Variants in CFAP46 observed in about 807,000 individuals in gnomAD.
CFAP46 encodes the protein cilia and flagella associated protein 46.
A neutral mutation model predicts 325.7 loss-of-function variants in CFAP46; 245 were observed. That is an observed-to-expected ratio of 0.75 (90% CI 0.68 to 0.84). The LOEUF (loss-of-function observed/expected upper bound fraction) is 0.84. Among genes scored for constraint, CFAP46 ranks in the 40% least tolerant of loss-of-function variants. The pLI is 0.00. For synonymous variants in CFAP46, 1,523 were observed against 1,495.9 expected (o/e 1.02, Z -0.42); for missense variants, 3,346 against 3,543.0 (o/e 0.94, Z 1.41).
chr10:132,924,893 A>T lies in CFAP46; in HGVS notation c.1066-7T>A. The T allele has an allele frequency of 7.3e-7, 1 of 1,374,806 alleles. No homozygotes were observed. The highest frequency in any genetic ancestry group is 9.5e-7 in the Non-Finnish European group (1 of 1,057,096). 85.2% of individuals were successfully genotyped at this position (1,374,806 alleles called of 1,614,324 possible). A position where few individuals can be genotyped will look rare whatever the true frequency, so the allele number is the denominator to read the frequency against. On this transcript the variant is annotated splice_polypyrimidine_tract_variant and splice_region_variant and intron_variant, in intron 10 of 57. Transcript: ENST00000368586. ...GTATGATATCCAGCTGGGCCTGCGGAGAAGACGTGGGGGATTCTAGGGAGG... is the reference window on the plus strand; with the variant it reads ...GTATGATATCCAGCTGGGCCTGCGGTGAAGACGTGGGGGATTCTAGGGAGG...
At chr10:132,928,840 G>A (rs577483666) in intron 9 of CFAP46, among the ~76,000 whole-genome samples, 1 of 152,334 alleles carries the variant, frequency 6.6e-6, no homozygotes, top group African/African-American at 2.4e-5. Flanking sequence ...CAAACCTGAT[G>A]TATGCAGTCT....
intron 17 of CFAP46, 91 bp from the exon 18 acceptor site, chr10:132,913,349 GCT>G: frequency 1.3e-6 from 1 of 784,632 alleles, no homozygotes; most frequent in Non-Finnish European, 2.0e-6. Flanking sequence ...TAGGAACCAG[GCT>G]GCAGGGCAAG....
chr10:132,833,211 A>T, intron 50 of CFAP46, 147 bp downstream of exon 50: 1 of 830,152 alleles, frequency 1.2e-6, no homozygotes, highest in Non-Finnish European at 1.9e-6. Flanking sequence ...TATCCTACAA[A>T]TATCTTTGAA....
intron 8 of CFAP46, among the ~76,000 whole-genome samples, chr10:132,930,086 C>T (rs1849869935): frequency 6.6e-6 from 1 of 152,126 alleles, no homozygotes; most frequent in South Asian, 2.1e-4. Context: ...CTCCAGGCTT[C>T]AGGTCATGTG....
At chr10:132,934,690 T>C (rs1849964462) in intron 8 of CFAP46, 62 bp downstream of exon 8, 1 of 1,133,852 alleles carries the variant, frequency 8.8e-7, no homozygotes, top group Middle Eastern at 2.2e-4. Flanking sequence ...CATTTTTCAG[T>C]GCCTGCTAAA....
chr10:132,892,043 C>G (rs1849261232), intron 25 of CFAP46, among the ~76,000 whole-genome samples: 1 of 152,170 alleles, frequency 6.6e-6, no homozygotes, highest in African/African-American at 2.4e-5. Flanking sequence ...TCACACGTGG[C>G]TCAGCATCAA....
At chr10:132,834,274 C>T (rs1022753005) in intron 48 of CFAP46, 151 bp from the exon 49 acceptor site, 15 of 723,622 alleles carry the variant, frequency 2.1e-5, no homozygotes, top group East Asian at 1.7e-4. Flanking sequence ...GAGGTGGGGC[C>T]GGGATGAGCC....
rs1302272486 is a variant in CFAP46, at chr10:132,879,601, C to T, written c.3830G>A (p.Arg1277Gln). 12 of 1,543,560 alleles carry T rather than the reference C, an allele frequency of 7.8e-6. No individual in the cohort carries two copies. The highest frequency in any genetic ancestry group is 2.4e-5 in the East Asian group (1 of 40,832). Residue 1277 changes from arginine to glutamine, a missense_variant, in exon 29 of 58, where the codon CGG (arginine) becomes CAG (glutamine). Arg to Gln is a conservative substitution (Grantham distance 43, BLOSUM62 1). Coordinates refer to ENST00000368586, the MANE Select transcript of CFAP46 (RefSeq NM_001200049.3). ...CTCCTCGGCCTCGGACACGGGGCTC[C>T]GTGGGGGCATCTCCACAGCCACGTA... ...GEYVAVEMPPRSPVSEAEEAV... is the reference protein window; with the variant it reads ...GEYVAVEMPPQSPVSEAEEAV...
rs977213389 is a variant in CFAP46, at chr10:132,879,641, G to A, written c.3800-10C>T. The stretch of plus-strand genomic sequence containing the variant: ...ACAGCCACGTACTCCCCTGAAACAC[G>A]GGGTGCCCGAGGCTGAGAGCAGGCC... On this transcript the variant is annotated splice_polypyrimidine_tract_variant and intron_variant, in intron 28 of 57. Transcript: ENST00000368586. 1.5e-5 allele frequency: 23 copies of A among 1,502,004 alleles called. No homozygotes were observed. The highest frequency in any genetic ancestry group is 6.6e-5 in the Admixed American group (3 of 45,576). The allele number at this position is 1,502,004 out of a possible 1,614,324, so 93.0% of individuals were successfully genotyped here.
At position 132,822,045 on chromosome 10, in the gene CFAP46, ATGTGTGCTG is replaced by A. The variant is rs1194401691; in HGVS notation, c.7118-7140_7118-7132del. Among the ~76,000 whole-genome samples, 8 of 72,728 alleles carry A rather than the reference ATGTGTGCTG, an allele frequency of 1.1e-4. 1 individual carries two copies. The highest frequency in any genetic ancestry group is 1.5e-4 in the Non-Finnish European group (6 of 39,818). The allele number at this position is 72,728 out of a possible 152,430, so 47.7% of individuals were successfully genotyped here. ...GCTGTGTGAGTGCTGATGTGTGCTG[ATGTGTGCTG>A]TGTGTGCTGATGTGTGCTGTGTGTG... On this transcript the variant is annotated intron_variant, in intron 50 of 57. Coordinates refer to ENST00000368586, the MANE Select transcript of CFAP46 (RefSeq NM_001200049.3).
rs1849355693 is a variant in CFAP46 at position 132,898,985 on chromosome 10, T to C, written c.3193A>G (p.Ile1065Val). 1 of 1,550,456 alleles carries C rather than the reference T, an allele frequency of 6.4e-7. No homozygotes were observed. The highest frequency in any genetic ancestry group is 8.7e-7 in the Non-Finnish European group (1 of 1,146,992). The stretch of plus-strand genomic sequence containing the variant: ...TGCTTTCTGGCCTCTGTCTTGTTGA[T>C]GATGCCGATGAGCCTCTTCAGGGCA... ...KGALKRLIGI[I>V]NKTEARKQEK... The change falls in exon 24 of 58, where the codon ATC becomes GTC. Residue 1065 changes from isoleucine to valine, a missense_variant. Physicochemically the swap from Ile to Val is conservative, Grantham distance 29. Coordinates refer to ENST00000368586, the MANE Select transcript of CFAP46 (RefSeq NM_001200049.3).
rs527511318 is a variant in CFAP46 at position 132,844,034 on chromosome 10, C to G, written c.6438+2023G>C. On this transcript the variant is annotated intron_variant, in intron 44 of 57. Coordinates refer to ENST00000368586, the MANE Select transcript of CFAP46 (RefSeq NM_001200049.3). The stretch of plus-strand genomic sequence containing the variant: ...TGGGGCTCTGGTCTCGGTGGGTGTT[C>G]CCAGGGTGCTGTGGGGCTGTGGTCT... Among the ~76,000 whole-genome samples the G allele has an allele frequency of 4.5e-5, 5 of 112,134 alleles. No homozygotes were observed. The East Asian group carries it at 1.3e-3, about 30-fold the overall frequency. The allele number at this position is 112,134 out of a possible 152,430, so 73.6% of individuals were successfully genotyped here.
rs559617427 is a variant in CFAP46, at chr10:132,941,469, G to T, written c.306+122C>A. ...ATGGTGCAAGTTTCGTGTCACTCTG[G>T]AAAGGAATTCCTTCACTCTACTACC... is the stretch of plus-strand genomic sequence containing the variant. On this transcript the variant is annotated intron_variant, in intron 3 of 57. Transcript: ENST00000368586. 1.6e-5 allele frequency: 21 copies of T among 1,326,962 alleles called. No individual in the cohort carries two copies. In the Admixed American group the frequency reaches 3.5e-4, roughly 22 times the overall value. 82.2% of individuals were successfully genotyped at this position (1,326,962 alleles called of 1,614,324 possible).
chr10:132,919,271 G>T lies in CFAP46; in HGVS notation c.1858+44C>A. 1 of 1,523,558 alleles carries T rather than the reference G, an allele frequency of 6.6e-7. No individual in the cohort carries two copies. Among genetic ancestry groups the T allele is most frequent in the South Asian group, 1.2e-5 (1 of 81,562 alleles). The allele number at this position is 1,523,558 out of a possible 1,614,324, so 94.4% of individuals were successfully genotyped here. On this transcript the variant is annotated intron_variant, in intron 15 of 57. Transcript: ENST00000368586. This position sits in a 1 kb window ranked among gnomAD's most constrained non-coding sequence, Gnocchi z 9.7. ...ACAACCCTTCCCACACCCAGAGGGC[G>T]GCCGTGGCCAGGCTGGGACACACTC... is the stretch of plus-strand genomic sequence containing the variant.
chr10:132,913,273 C>A lies in CFAP46; in HGVS notation c.2121-15G>T, dbSNP rs1849582803. 2 of 1,547,760 alleles carry A rather than the reference C, an allele frequency of 1.3e-6. No homozygotes were observed. Among genetic ancestry groups the A allele is most frequent in the East Asian group, 4.9e-5 (2 of 40,850 alleles). ...CGATCCAGGTTCTGCAAAACGAGCA[C>A]CACCAAGCCCTTAATGCAGGGTCCC... On this transcript the variant is annotated splice_polypyrimidine_tract_variant and intron_variant, in intron 17 of 57. Transcript: ENST00000368586.
intron 9 of CFAP46, chr10:132,929,322 ACAAACTGCAG>A (rs1849855575): frequency 1.6e-6 from 1 of 608,330 alleles, no homozygotes; most frequent in Non-Finnish European, 3.0e-6. Context: ...TCTGCAGGTA[ACAAACTGCAG>A]AAAGTGAACT....
intron 20 of CFAP46, 141 bp downstream of exon 20, chr10:132,909,778 G>A: frequency 1.3e-6 from 1 of 770,170 alleles, no homozygotes; most frequent in Non-Finnish European, 1.9e-6. Flanking sequence ...TGAGCTCAGT[G>A]GGAAAAGGGA....
rs1733061162 is a variant in CFAP46 at position 132,919,319 on chromosome 10, C to T, written c.1854G>A (p.Arg618=). 1 of 1,549,494 alleles carries T rather than the reference C, an allele frequency of 6.5e-7. No homozygotes were observed. The highest frequency in any genetic ancestry group is 1.4e-5 in the African/African-American group (1 of 73,028). ...DNVKVKKLRL[R]RGKKKRGRDG... is the part of the protein sequence containing the mutation. ...CTCGTGAGGGCGGGTACGAACCTCG[C>T]CGCAGCCTCAACTTCTTCACCTTGA... is the stretch of plus-strand genomic sequence containing the variant. The change falls in exon 15 of 58, where the codon CGG becomes CGA. Residue 618 remains arginine (R), a synonymous_variant. Coordinates refer to ENST00000368586, the MANE Select transcript of CFAP46 (RefSeq NM_001200049.3). This position sits in a 1 kb window ranked among gnomAD's most constrained non-coding sequence, Gnocchi z 9.7.
chr10:132,822,932 T>C (rs1467037401), intron 50 of CFAP46, among the ~76,000 whole-genome samples: 1 of 115,518 alleles, frequency 8.7e-6, no homozygotes, highest in African/African-American at 3.3e-5. Flanking sequence ...TGTGTGCTGA[T>C]GTGTGCACTG....
Sources: allele counts gnomAD v4.1 joint callset (sites outside exome capture counted in the v4.1 genomes callset), GRCh38; gene constraint gnomAD v4.1.1; non-coding constraint Gnocchi (gnomAD v3.1); transcripts MANE v1.5; gene names NCBI Gene and HGNC (gene_info 2026-07-23, HGNC 2026-07-21).